The following TTYH3 variants were observed in gnomAD, a reference collection of about 807,000 sequenced individuals.
TTYH3 encodes tweety family member 3.
A neutral mutation model predicts 68.2 loss-of-function variants in TTYH3; 23 were observed. The observed-to-expected ratio is 0.34, with a 90% confidence interval of 0.24 to 0.48. The LOEUF is 0.48. Ranked by LOEUF, TTYH3 falls within the 20% of genes least tolerant of loss-of-function variation. The pLI is 0.99. For synonymous variants in TTYH3, 360 were observed against 332.8 expected (o/e 1.08, Z -0.89); for missense variants, 768 against 727.7 (o/e 1.06, Z -0.64).
At chr7:2,653,284 T>G (rs1037132237) in intron 9 of TTYH3, among the ~76,000 whole-genome samples, 2 of 152,196 alleles carry the variant, frequency 1.3e-5, no homozygotes, top group African/African-American at 4.8e-5. Context: ...TCTTTTGAGA[T>G]GGGCTCTTGC....
intron 1 of TTYH3, among the ~76,000 whole-genome samples, chr7:2,637,254 T>A (rs1785703381): frequency 6.6e-6 from 1 of 152,136 alleles, no homozygotes; most frequent in African/African-American, 2.4e-5. Context: ...TCAGCCGCTC[T>A]GACCCCCGGC....
At chr7:2,634,967 G>A (rs1381631549) in intron 1 of TTYH3, among the ~76,000 whole-genome samples, 1 of 152,166 alleles carries the variant, frequency 6.6e-6, no homozygotes, top group Non-Finnish European at 1.5e-5. Flanking sequence ...AGAAGCTGAT[G>A]GGGGCTGAGG....
At chr7:2,643,223 C>T (rs372962867) in intron 1 of TTYH3, among the ~76,000 whole-genome samples, 4 of 151,304 alleles carry the variant, frequency 2.6e-5, no homozygotes, top group Non-Finnish European at 4.4e-5. Flanking sequence ...GGCTTGGTGG[C>T]GGGTGCCTGT....
At position 2,648,144 on chromosome 7, in the gene TTYH3, A is replaced by G; in HGVS notation, c.722+90A>G. On this transcript the variant is annotated intron_variant, in intron 5 of 13. Coordinates refer to ENST00000258796, the MANE Select transcript of TTYH3 (RefSeq NM_025250.3). Reference sequence around the variant, plus strand: ...ACCCCTTCCCCCACCTCATCTGCAGATCCTAGCCACAAGCTCTGCGGTGGG... The same window carrying G: ...ACCCCTTCCCCCACCTCATCTGCAGGTCCTAGCCACAAGCTCTGCGGTGGG... The G allele has an allele frequency of 4.7e-6, 6 of 1,274,096 alleles. No homozygotes were observed. The South Asian group carries it at 6.7e-5, about 14-fold the overall frequency. 78.9% of individuals were successfully genotyped at this position (1,274,096 alleles called of 1,614,324 possible).
At chr7:2,647,757 C>A in intron 4 of TTYH3, 119 bp downstream of exon 4, 3 of 1,180,826 alleles carry the variant, frequency 2.5e-6, no homozygotes, top group Non-Finnish European at 3.6e-6. Flanking sequence ...GGCCCAGGGC[C>A]ACTGGAGGTC....
chr7:2,659,333 G>T (rs990024944), intron 13 of TTYH3, among the ~76,000 whole-genome samples: 3 of 152,202 alleles, frequency 2.0e-5, no homozygotes, highest in Non-Finnish European at 4.4e-5. Flanking sequence ...GAAGGAGAGT[G>T]GGTGGGCGGG....
intron 1 of TTYH3, among the ~76,000 whole-genome samples, chr7:2,634,887 CAG>C (rs1785617163): frequency 2.6e-5 from 4 of 152,162 alleles, no homozygotes; most frequent in Admixed American, 2.6e-4. Context: ...GAGCCGGGGT[CAG>C]CCTGGAGTCG....
chr7:2,651,684 G>T lies in TTYH3; in HGVS notation c.872-503G>T, dbSNP rs139631243. On this transcript the variant is annotated intron_variant, in intron 7 of 13. Coordinates refer to ENST00000258796, the MANE Select transcript of TTYH3 (RefSeq NM_025250.3). The stretch of plus-strand genomic sequence containing the variant: ...GCTTCACTGCACAGGCGGCCACAGT[G>T]ATGCCTGGTGCTCTCCTATGTTGTT... Among the ~76,000 whole-genome samples the T allele has an allele frequency of 3.2e-3, 493 of 152,394 alleles. 2 individuals are homozygous for T. The highest frequency in any genetic ancestry group is 5.1e-3 in the Non-Finnish European group (345 of 68,044).
chr7:2,659,681 C>T (rs542615668), intron 13 of TTYH3, among the ~76,000 whole-genome samples: 2 of 152,198 alleles, frequency 1.3e-5, no homozygotes, highest in South Asian at 2.1e-4. Context: ...CTTGGGAGGC[C>T]GAAGGCTGCC....
chr7:2,645,421 TC>T lies in TTYH3; in HGVS notation c.124-1428del. ...AGCTCTGGGGCCACGTTACCCTCCC[TC>T]CCCGCAGCGGGTGCTGAGGAAATGT... On this transcript the variant is annotated intron_variant, in intron 1 of 13. Coordinates refer to ENST00000258796, the MANE Select transcript of TTYH3 (RefSeq NM_025250.3). This position sits in a 1 kb window ranked among gnomAD's most constrained non-coding sequence, Gnocchi z 4.8. The T allele has an allele frequency of 5.9e-6, 1 of 168,806 alleles. No homozygotes were observed. Among genetic ancestry groups the T allele is most frequent in the Non-Finnish European group, 1.3e-5 (1 of 77,122 alleles). 10.5% of individuals were successfully genotyped at this position (168,806 alleles called of 1,614,324 possible).
rs371405725 is a variant in TTYH3, at chr7:2,660,683, G to A, written c.1501-985G>A. 9.6e-6 allele frequency: 5 copies of A among 521,236 alleles called. No individual in the cohort carries two copies. In the East Asian group the frequency reaches 4.4e-4, roughly 46 times the overall value. 32.3% of individuals were successfully genotyped at this position (521,236 alleles called of 1,614,324 possible). A position where few individuals can be genotyped will look rare whatever the true frequency, so the allele number is the denominator to read the frequency against. ...CCACAGGCTGCTCGAAACCTTCTTG[G>A]TGTCCCAGGAGGGCCCTCGGGGACC... On this transcript the variant is annotated intron_variant, in intron 13 of 13. Coordinates refer to ENST00000258796, the MANE Select transcript of TTYH3 (RefSeq NM_025250.3).
Position 2,646,876 on chromosome 7 carries a change from C to T in TTYH3, c.147C>T (p.Ala49=), listed in dbSNP as rs1308516470. 3 of 1,596,996 alleles carry T rather than the reference C, an allele frequency of 1.9e-6. No individual in the cohort carries two copies. The highest frequency in any genetic ancestry group is 1.7e-5 in the Admixed American group (1 of 59,886). ...YQQALLLLGA[A]ALACLALDLL... ...AGGCCCTGCTGCTCCTGGGGGCCGC[C>T]GCCCTGGCCTGCCTCGCCCTGGACC... The change falls in exon 2 of 14, where the codon GCC becomes GCT. Residue 49 remains alanine (A), a synonymous_variant. Transcript: ENST00000258796.
rs922472416 is a variant in TTYH3, at chr7:2,648,357, C to T, written c.722+303C>T. The T allele has an allele frequency of 5.3e-5, 18 of 341,578 alleles. 1 individual carries two copies. The highest frequency in any genetic ancestry group is 2.5e-4 in the African/African-American group (12 of 47,080). The allele number at this position is 341,578 out of a possible 1,614,324, so 21.2% of individuals were successfully genotyped here. On this transcript the variant is annotated intron_variant, in intron 5 of 13. Transcript: ENST00000258796. ...TGCCCAGGTCTCCGAGTGCCTGGGGCCACCCAGAGACCAGGCTGGGGCTCC... is the reference window on the plus strand; with the variant it reads ...TGCCCAGGTCTCCGAGTGCCTGGGGTCACCCAGAGACCAGGCTGGGGCTCC...
chr7:2,637,300 G>A (rs1785705603), intron 1 of TTYH3, among the ~76,000 whole-genome samples: 1 of 152,184 alleles, frequency 6.6e-6, no homozygotes, highest in South Asian at 2.1e-4. Flanking sequence ...GGAGCGGGGA[G>A]CCCTGCAGCT....
chr7:2,657,593 C>A (rs1381855955), intron 11 of TTYH3, among the ~76,000 whole-genome samples: 1 of 152,178 alleles, frequency 6.6e-6, no homozygotes, highest in Admixed American at 6.5e-5. Context: ...CTGTCTCTAT[C>A]CTTGCTTATT....
chr7:2,641,490 C>T (rs559116246), intron 1 of TTYH3, among the ~76,000 whole-genome samples: 15 of 152,326 alleles, frequency 9.8e-5, no homozygotes, highest in South Asian at 2.1e-4. Context: ...GCCCCCTTGG[C>T]ACATGTGTGG....
Position 2,645,880 on chromosome 7 carries a change from G to A in TTYH3, c.124-973G>A. ...CAGCTGGGGTGGGGGATCCTGCCAGGACTCAGGTAGGAGAGTTCTGGGCCT... is the reference window on the plus strand; with the variant it reads ...CAGCTGGGGTGGGGGATCCTGCCAGAACTCAGGTAGGAGAGTTCTGGGCCT... On this transcript the variant is annotated intron_variant, in intron 1 of 13. Coordinates refer to ENST00000258796, the MANE Select transcript of TTYH3 (RefSeq NM_025250.3). This position sits in a 1 kb window ranked among gnomAD's most constrained non-coding sequence, Gnocchi z 4.8. 2.1e-6 allele frequency: 1 copy of A among 470,702 alleles called. No individual in the cohort carries two copies. Among genetic ancestry groups the A allele is most frequent in the South Asian group, 1.5e-5 (1 of 64,540 alleles). 29.2% of individuals were successfully genotyped at this position (470,702 alleles called of 1,614,324 possible).
Position 2,647,953 on chromosome 7 carries a change from C to A in TTYH3, c.627-6C>A. The A allele has an allele frequency of 6.2e-7, 1 of 1,606,718 alleles. No homozygotes were observed. Among genetic ancestry groups the A allele is most frequent in the Non-Finnish European group, 8.5e-7 (1 of 1,179,850 alleles). On this transcript the variant is annotated splice_polypyrimidine_tract_variant and splice_region_variant and intron_variant, in intron 4 of 13. Transcript: ENST00000258796. The stretch of plus-strand genomic sequence containing the variant: ...TGCCCTGGCGCACTCCCAGGTTTGC[C>A]TGCAGGTGGCTGGGCTACCTGGGCC...
Position 2,661,825 on chromosome 7 carries a change from C to A in TTYH3, c.*86C>A. ...GCTTCCACCTGGGCCACCCACCGGA[C>A]CCTCGCACGCCGTGCCAGGCCTGCC... On this transcript the variant is annotated 3_prime_UTR_variant, in exon 14 of 14. Transcript: ENST00000258796. The A allele has an allele frequency of 1.4e-6, 2 of 1,419,704 alleles. No individual in the cohort carries two copies. Among genetic ancestry groups the A allele is most frequent in the South Asian group, 1.2e-5 (1 of 81,640 alleles). 87.9% of individuals were successfully genotyped at this position (1,419,704 alleles called of 1,614,324 possible). A position where few individuals can be genotyped will look rare whatever the true frequency, so the allele number is the denominator to read the frequency against.
Sources: allele counts gnomAD v4.1 joint callset (sites outside exome capture counted in the v4.1 genomes callset), GRCh38; gene constraint gnomAD v4.1.1; non-coding constraint Gnocchi (gnomAD v3.1); transcripts MANE v1.5; gene names NCBI Gene and HGNC (gene_info 2026-07-23, HGNC 2026-07-21).